Variants in CELF2 observed in about 807,000 individuals in gnomAD.
CELF2 encodes the protein CUG triplet repeat RNA-binding protein 2.
Under a neutral mutation model 62.6 loss-of-function variants are expected in CELF2, and 8 were observed. The ratio of observed to expected loss-of-function variants is 0.13; its 90% CI spans 0.07 to 0.23. CELF2 has a LOEUF of 0.23. Among genes scored for constraint, CELF2 ranks in the 10% least tolerant of loss-of-function variants. CELF2 has a pLI of 1.00. For synonymous variants in CELF2, 258 were observed against 250.0 expected (o/e 1.03, Z -0.30); for missense variants, 333 against 671.0 (o/e 0.50, Z 5.56).
chr10:10,853,306 A>T (rs945550945), intron 1 of CELF2, among the ~76,000 whole-genome samples: 4 of 152,062 alleles, frequency 2.6e-5, no homozygotes, highest in Non-Finnish European at 5.9e-5. Flanking sequence ...TAACTTTGTC[A>T]TGTCTAGGAT....
intron 1 of CELF2, among the ~76,000 whole-genome samples, chr10:11,090,909 TAAAC>T (rs1355127467): frequency 2.6e-5 from 4 of 152,166 alleles, no homozygotes; most frequent in Admixed American, 2.0e-4. Context: ...AGGCTAGAAA[TAAAC>T]AACCGATGGT....
chr10:11,213,099 A>C (rs533618011), intron 2 of CELF2, among the ~76,000 whole-genome samples: 36 of 141,706 alleles, frequency 2.5e-4, no homozygotes, highest in African/African-American at 8.1e-4. Context: ...GTCACCTCTA[A>C]CATGGAGCGA....
At chr10:10,493,773 C>G in the CELF2 span, among the ~76,000 whole-genome samples, 18 of 152,238 alleles carry the variant, frequency 1.2e-4, no homozygotes, top group Admixed American at 9.8e-4. Context: ...CTCAAGTGAT[C>G]CACCCGCCTC....
intron 1 of CELF2, among the ~76,000 whole-genome samples, chr10:10,844,517 G>A (rs56086951): frequency 0.087 from 13,185 of 152,118 alleles, 743 homozygotes; most frequent in Middle Eastern, 0.16. Flanking sequence ...AGTCCAGGAC[G>A]GGCTTGCTGT....
chr10:10,550,109 TACCAATAACATAAACAGTGG>T, the CELF2 span, among the ~76,000 whole-genome samples: 4 of 152,224 alleles, frequency 2.6e-5, no homozygotes, highest in African/African-American at 9.6e-5. Context: ...CCAGAAGCCT[TACCAATAACATAAACAGTGG>T]ATTGACACAT....
intron 1 of CELF2, among the ~76,000 whole-genome samples, chr10:11,058,487 G>A (rs1374140241): frequency 1.2e-5 from 1 of 81,878 alleles, no homozygotes; most frequent in East Asian, 4.8e-4. Context: ...TTTTTTTTGT[G>A]ATGGAGTCTT....
chr10:10,845,998 C>G, intron 1 of CELF2: 1 of 386,218 alleles, frequency 2.6e-6, no homozygotes, highest in Non-Finnish European at 3.5e-6. Flanking sequence ...GTAAGTGCGT[C>G]TGTGTGTCTC....
chr10:11,175,672 GTAA>G (rs1393432211), intron 2 of CELF2, among the ~76,000 whole-genome samples: 4 of 152,202 alleles, frequency 2.6e-5, no homozygotes, highest in African/African-American at 9.6e-5. Context: ...GAGCCCTTTT[GTAA>G]CAATGAGTTG....
chr10:10,948,232 A>T (rs541006852), intron 2 of CELF2: 3 of 152,294 alleles, frequency 2.0e-5, no homozygotes, highest in African/African-American at 7.2e-5. Context: ...TCAGTATCTC[A>T]ACACAGACCT....
chr10:11,068,236 A>C (rs552922281), intron 1 of CELF2, among the ~76,000 whole-genome samples: 8 of 152,350 alleles, frequency 5.3e-5, no homozygotes, highest in Middle Eastern at 3.4e-3. Flanking sequence ...TACTCATACT[A>C]ATCAGACCAA....
At chr10:11,081,191 C>A (rs1034901322) in intron 1 of CELF2, among the ~76,000 whole-genome samples, 1 of 152,126 alleles carries the variant, frequency 6.6e-6, no homozygotes, top group Non-Finnish European at 1.5e-5. Context: ...TAAAATGGGA[C>A]ATGTTCTCAT....
At chr10:11,162,340 G>T (rs80045732) in intron 1 of CELF2, among the ~76,000 whole-genome samples, 7,931 of 152,298 alleles carry the variant, frequency 0.052, 286 homozygotes, top group Non-Finnish European at 0.076. Context: ...TTTTGATCAG[G>T]AAGGTGGGGG....
chr10:10,786,964 T>C, the CELF2 span, among the ~76,000 whole-genome samples: 1 of 151,744 alleles, frequency 6.6e-6, no homozygotes, highest in Non-Finnish European at 1.5e-5. Flanking sequence ...GTCATATCCC[T>C]GTTTTCATAG....
intron 1 of CELF2, among the ~76,000 whole-genome samples, chr10:11,072,378 A>G (rs905748817): frequency 5.3e-5 from 8 of 152,200 alleles, no homozygotes; most frequent in African/African-American, 1.4e-4. Flanking sequence ...TTTGATGTTT[A>G]ATTGTATTTT....
At chr10:10,987,379 G>A (rs776387880) in intron 2 of CELF2, among the ~76,000 whole-genome samples, 32 of 151,646 alleles carry the variant, frequency 2.1e-4, no homozygotes, top group African/African-American at 3.6e-4. Flanking sequence ...AAACTAAGGC[G>A]TATATATACA....
intron 2 of CELF2, among the ~76,000 whole-genome samples, chr10:11,187,714 G>C (rs1045783264): frequency 5.9e-5 from 9 of 152,002 alleles, no homozygotes; most frequent in African/African-American, 1.9e-4. Context: ...TATCATTCAA[G>C]TGATAGTATG....
At position 10,941,076 on chromosome 10, in the gene CELF2, G is replaced by A. The variant is rs563723052; in HGVS notation, c.89+21077G>A. ...GCGAAACAACACCAGAGGAAAAGGG[G>A]GCTCACAGAAAAGCAGCATTGAGCA... is the stretch of plus-strand genomic sequence containing the variant. On this transcript the variant is annotated intron_variant, in intron 2 of 13. Transcript: ENST00000636488. Among the ~76,000 whole-genome samples the A allele has an allele frequency of 2.0e-5, 3 of 152,248 alleles. No individual in the cohort carries two copies. The South Asian group carries it at 6.2e-4, about 32-fold the overall frequency.
At chr10:11,326,420 C>T (rs747816895) in intron 12 of CELF2, among the ~76,000 whole-genome samples, 12 of 152,206 alleles carry the variant, frequency 7.9e-5, no homozygotes, top group Non-Finnish European at 1.5e-4. Flanking sequence ...TCCACGTGCC[C>T]GGGATGAGCA....
In CELF2 at chr10:11,268,399, C is replaced by A. The variant is rs1197676406; in HGVS notation, c.618+1722C>A. ...AAACATTACGATCCCCATTCCTTCC[C>A]TTGGAGCCCCCCCAGTAATGCTCAG... On this transcript the variant is annotated intron_variant, in intron 6 of 12. Transcript: ENST00000633077. The surrounding 1 kb of genome is among the most constrained non-coding windows in gnomAD (Gnocchi z 4.7). Among the ~76,000 whole-genome samples, 3 of 152,032 alleles carry A rather than the reference C, an allele frequency of 2.0e-5. No individual in the cohort carries two copies. The highest frequency in any genetic ancestry group is 7.3e-5 in the African/African-American group (3 of 41,374).
Sources: allele counts gnomAD v4.1 joint callset (sites outside exome capture counted in the v4.1 genomes callset), GRCh38; gene constraint gnomAD v4.1.1; non-coding constraint Gnocchi (gnomAD v3.1); transcripts MANE v1.5; gene names NCBI Gene and HGNC (gene_info 2026-07-23, HGNC 2026-07-21).